The following AKAP19 variants were observed in gnomAD, a reference collection of about 807,000 sequenced individuals.
AKAP19 encodes the protein A-kinase anchoring protein 19, also known as small A-kinase anchoring protein.
At chr2:189,998,767 C>CTTTTTTTTTTTTTTTTTTTTTTT in the AKAP19 span, among the ~76,000 whole-genome samples, 1 of 73,176 alleles carries the variant, frequency 1.4e-5, no homozygotes, top group African/African-American at 5.1e-5. Flanking sequence ...TTCTTTCTTT[C>CTTTTTTTTTTTTTTTTTTTTTTT]TTTCTTTTTT....
the AKAP19 span, chr2:190,200,083 C>T: frequency 3.1e-6 from 5 of 1,614,032 alleles, no homozygotes; most frequent in Non-Finnish European, 4.2e-6. Flanking sequence ...TGATGCCTTG[C>T]AGCAATGGGC....
At chr2:190,194,699 C>T in the AKAP19 span, among the ~76,000 whole-genome samples, 1 of 152,204 alleles carries the variant, frequency 6.6e-6, no homozygotes, top group African/African-American at 2.4e-5. Context: ...ATCTCAGCCT[C>T]TTCCATAACC....
chr2:189,969,823 T>C, the AKAP19 span, among the ~76,000 whole-genome samples: 1 of 149,354 alleles, frequency 6.7e-6, no homozygotes, highest in Non-Finnish European at 1.5e-5. Flanking sequence ...TCCTTCCTCT[T>C]CTCTTCTCTT....
chr2:190,196,260 C>T, the AKAP19 span, among the ~76,000 whole-genome samples: 1 of 151,866 alleles, frequency 6.6e-6, no homozygotes, highest in Non-Finnish European at 1.5e-5. Flanking sequence ...AAATCTTTTC[C>T]CTCCATTTTT....
At chr2:190,163,509 C>T in the AKAP19 span, among the ~76,000 whole-genome samples, 1 of 151,162 alleles carries the variant, frequency 6.6e-6, no homozygotes, top group African/African-American at 2.4e-5. Context: ...GAGGTCTTAG[C>T]CTGAAATTCA....
the AKAP19 span, among the ~76,000 whole-genome samples, chr2:190,113,783 T>C: frequency 6.6e-6 from 1 of 152,192 alleles, no homozygotes; most frequent in Admixed American, 6.5e-5. Flanking sequence ...GTAAATCAAC[T>C]TGAAGCACCC....
the AKAP19 span, among the ~76,000 whole-genome samples, chr2:190,019,073 T>G: frequency 1.3e-5 from 2 of 152,182 alleles, no homozygotes; most frequent in Non-Finnish European, 2.9e-5. Context: ...GCCCTAAGGC[T>G]AGGTGGAGTC....
the AKAP19 span, among the ~76,000 whole-genome samples, chr2:190,037,586 C>A: frequency 6.6e-6 from 1 of 152,120 alleles, no homozygotes; most frequent in African/African-American, 2.4e-5. Context: ...CAGTAATAAG[C>A]GAGGTAAGAA....
chr2:190,053,869 CA>C, the AKAP19 span, among the ~76,000 whole-genome samples: 4 of 151,924 alleles, frequency 2.6e-5, no homozygotes, highest in Non-Finnish European at 4.4e-5. Flanking sequence ...GCAATATTAA[CA>C]CATAGAATTT....
chr2:190,103,912 A>T, the AKAP19 span, among the ~76,000 whole-genome samples: 368 of 152,128 alleles, frequency 2.4e-3, 1 homozygote, highest in Middle Eastern at 0.01. Flanking sequence ...AAGCCAAAGG[A>T]ATCACATTAC....
At chr2:189,985,827 T>C in the AKAP19 span, among the ~76,000 whole-genome samples, 2 of 152,138 alleles carry the variant, frequency 1.3e-5, no homozygotes, top group Non-Finnish European at 2.9e-5. Flanking sequence ...TAATTTGTTA[T>C]ACAACAATAG....
At chr2:190,049,022 C>CA in the AKAP19 span, among the ~76,000 whole-genome samples, 1 of 151,578 alleles carries the variant, frequency 6.6e-6, no homozygotes, top group Admixed American at 6.6e-5. Flanking sequence ...TAAGTATTAC[C>CA]AAAAAAACTG....
At chr2:190,005,225 A>T in the AKAP19 span, among the ~76,000 whole-genome samples, 11 of 152,262 alleles carry the variant, frequency 7.2e-5, no homozygotes, top group Admixed American at 5.9e-4. Context: ...ATGCAGGGAG[A>T]CCTGACCAGG....
chr2:189,996,933 C>T, the AKAP19 span, among the ~76,000 whole-genome samples: 1 of 152,146 alleles, frequency 6.6e-6, no homozygotes, highest in Non-Finnish European at 1.5e-5. Flanking sequence ...GCAGAGACTC[C>T]CAAGATGTGA....
the AKAP19 span, among the ~76,000 whole-genome samples, chr2:189,996,993 G>A: frequency 6.6e-6 from 1 of 152,238 alleles, no homozygotes; most frequent in African/African-American, 2.4e-5. Context: ...CTCTGGTGGA[G>A]GTGGAAGAGG....
chr2:190,099,246 A>G, the AKAP19 span, among the ~76,000 whole-genome samples: 2 of 152,150 alleles, frequency 1.3e-5, no homozygotes, highest in African/African-American at 4.8e-5. Flanking sequence ...AAGCTTGATC[A>G]TTTCTAGCTT....
the AKAP19 span, among the ~76,000 whole-genome samples, chr2:189,914,608 G>C: frequency 3.9e-5 from 6 of 152,022 alleles, no homozygotes; most frequent in African/African-American, 1.4e-4. Flanking sequence ...CCCTTTTGCA[G>C]TTTAATTATG....
chr2:190,180,413 C>T, the AKAP19 span: 1 of 951,132 alleles, frequency 1.1e-6, no homozygotes, highest in African/African-American at 1.8e-5. The surrounding 1 kb of genome is among the most constrained non-coding windows in gnomAD (Gnocchi z 6.8). Context: ...GGGCGGAGCT[C>T]AGGAGAGTTC....
At chr2:190,102,995 A>G in the AKAP19 span, among the ~76,000 whole-genome samples, 2 of 152,214 alleles carry the variant, frequency 1.3e-5, no homozygotes, top group African/African-American at 4.8e-5. Flanking sequence ...TTAATTCACC[A>G]CAATCAACTA....
Sources: gnomAD v4.1 joint callset for allele counts (sites outside exome capture counted in the v4.1 genomes callset) on GRCh38, gnomAD v4.1.1 for gene constraint, Gnocchi (gnomAD v3.1) non-coding constraint, MANE v1.5 for transcripts, NCBI Gene and HGNC (gene_info 2026-07-23, HGNC 2026-07-21) for gene names.